PLA2G6: variants seen among roughly 807,000 people sequenced by gnomAD.
PLA2G6 encodes the protein 85/88 kDa calcium-independent phospholipase A2.
PLA2G6 carries 62 observed loss-of-function variants against 83.8 expected under a neutral mutation model. The ratio of observed to expected loss-of-function variants is 0.74; its 90% confidence interval spans 0.60 to 0.91. The LOEUF is 0.91. Among genes scored for constraint, PLA2G6 ranks in the 40% least tolerant of loss-of-function variants. The pLI is 0.00. For synonymous variants in PLA2G6, 417 were observed against 449.8 expected, an observed-to-expected ratio of 0.93 and a Z score of 0.92; for missense variants, 944 against 1,102.0, an observed-to-expected ratio of 0.86 and a Z score of 2.03.
At chr22:38,126,563 C>A (rs2145738855) in intron 9 of PLA2G6, 114 bp from the exon 10 acceptor site, 1 of 733,620 alleles carries the variant, frequency 1.4e-6, no homozygotes. Flanking sequence ...CGCCCTCATC[C>A]CCCCACTCCC....
intron 2 of PLA2G6, among the ~76,000 whole-genome samples, chr22:38,166,120 G>A (rs132974): frequency 1.3e-5 from 2 of 152,076 alleles, no homozygotes; most frequent in African/African-American, 4.8e-5. Context: ...CGACTGGCAC[G>A]TGGCTGTCTG....
chr22:38,168,974 C>T (rs1183780949), intron 2 of PLA2G6, among the ~76,000 whole-genome samples: 2 of 152,182 alleles, frequency 1.3e-5, no homozygotes, highest in African/African-American at 4.8e-5. Flanking sequence ...TAGGTCGAGC[C>T]TCCAGGCCAG....
At chr22:38,150,240 T>C (rs2089498317) in intron 2 of PLA2G6, 1 of 152,186 alleles carries the variant, frequency 6.6e-6, no homozygotes, top group Non-Finnish European at 1.5e-5. Context: ...CAACAGAATA[T>C]GGCAAAAGTG....
At chr22:38,125,373 G>A (rs1011257263) in intron 10 of PLA2G6, among the ~76,000 whole-genome samples, 2 of 152,186 alleles carry the variant, frequency 1.3e-5, no homozygotes, top group Non-Finnish European at 2.9e-5. Flanking sequence ...GGGGGCACAG[G>A]GGAGGGAATG....
intron 2 of PLA2G6, among the ~76,000 whole-genome samples, chr22:38,159,042 TA>T (rs11570624): frequency 6.6e-6 from 1 of 151,594 alleles, no homozygotes; most frequent in Non-Finnish European, 1.5e-5. Flanking sequence ...CTACTAAAAA[TA>T]AAAAAATTAG....
At chr22:38,153,678 T>C (rs2089666671) in intron 2 of PLA2G6, among the ~76,000 whole-genome samples, 1 of 150,544 alleles carries the variant, frequency 6.6e-6, no homozygotes, top group Admixed American at 6.6e-5. Context: ...CCTCCACCAA[T>C]TGTCCTCCCT....
chr22:38,161,396 C>G (rs1326777556), intron 2 of PLA2G6, among the ~76,000 whole-genome samples: 2 of 152,092 alleles, frequency 1.3e-5, no homozygotes, highest in African/African-American at 4.8e-5. Flanking sequence ...GGGCACTAAT[C>G]CCATTCATGA....
At chr22:38,144,014 G>C (rs956643209) in intron 3 of PLA2G6, 1 of 168,290 alleles carries the variant, frequency 5.9e-6, no homozygotes, top group Non-Finnish European at 1.3e-5. Context: ...AAAGTGCTGG[G>C]ATTACAGGTG....
At chr22:38,114,149 G>A (rs1241932617) in intron 14 of PLA2G6, among the ~76,000 whole-genome samples, 1 of 151,952 alleles carries the variant, frequency 6.6e-6, no homozygotes, top group Non-Finnish European at 1.5e-5. Context: ...GGAAGTAGGG[G>A]CTAAGGCTTG....
intron 1 of PLA2G6, chr22:38,180,356 G>A (rs1199792560): frequency 1.3e-5 from 2 of 152,222 alleles, no homozygotes; most frequent in Non-Finnish European, 2.9e-5. Flanking sequence ...ACAGGCTCTG[G>A]TGTCAGATTC....
chr22:38,143,523 G>A, intron 3 of PLA2G6: 1 of 615,754 alleles, frequency 1.6e-6, no homozygotes, highest in Non-Finnish European at 3.0e-6. Flanking sequence ...TGGGCCCCAG[G>A]GCCACACCAG....
Position 38,128,294 on chromosome 22 carries a change from G to T in PLA2G6, c.1323C>A (p.Pro441=), listed in dbSNP as rs1433278787. Residue 441 remains proline (P), a synonymous_variant, in exon 9 of 17, where the codon CCC becomes CCA. Coordinates refer to ENST00000332509, the MANE Select transcript of PLA2G6 (RefSeq NM_003560.4). The surrounding 1 kb of genome is among the most constrained non-coding windows in gnomAD (Gnocchi z 4.4). ...HHPFSLERAQ[P]PPISLNNLEL... ...CTAGGTTGTTTAGGCTGATCGGTGG[G>T]GGCTGAGCTCTTTCCAGGGAGAAGG... The T allele has an allele frequency of 1.9e-6, 3 of 1,612,646 alleles. No homozygotes were observed. In the African/African-American group the frequency reaches 4.0e-5, roughly 22 times the overall value.
At chr22:38,133,179 A>C in intron 6 of PLA2G6, 166 bp from the exon 7 acceptor site, 3 of 662,370 alleles carry the variant, frequency 4.5e-6, no homozygotes, top group South Asian at 1.8e-5. Flanking sequence ...AGGGGGGCCT[A>C]GACTGCCTCC....
chr22:38,113,904 C>T (rs1469767341), intron 14 of PLA2G6: 9 of 610,890 alleles, frequency 1.5e-5, no homozygotes, highest in South Asian at 1.4e-4. Flanking sequence ...ACCACACATA[C>T]ACCAGCTGCA....
intron 1 of PLA2G6, among the ~76,000 whole-genome samples, chr22:38,178,378 C>T (rs2090718132): frequency 6.6e-6 from 1 of 152,118 alleles, no homozygotes; most frequent in South Asian, 2.1e-4. Flanking sequence ...TGAGACCAGC[C>T]TGGGTAATAT....
intron 5 of PLA2G6, chr22:38,139,415 T>A (rs1053808932): frequency 6.8e-6 from 1 of 147,342 alleles, no homozygotes; most frequent in African/African-American, 2.5e-5. Flanking sequence ...ATAAATTTAT[T>A]TTTATTTATT....
chr22:38,115,890 T>C (rs2087161539), intron 13 of PLA2G6, 185 bp downstream of exon 13: 1 of 1,475,792 alleles, frequency 6.8e-7, no homozygotes, highest in African/African-American at 1.4e-5. Flanking sequence ...TCCAGGGACT[T>C]TTCTAACCTG....
chr22:38,171,911 C>G (rs1167608603), intron 1 of PLA2G6, among the ~76,000 whole-genome samples: 1 of 152,108 alleles, frequency 6.6e-6, no homozygotes, highest in Non-Finnish European at 1.5e-5. Flanking sequence ...ATCTGCCTGC[C>G]TCAGCCTCTC....
intron 2 of PLA2G6, among the ~76,000 whole-genome samples, chr22:38,153,464 T>C (rs2089655437): frequency 6.6e-6 from 1 of 151,938 alleles, no homozygotes; most frequent in South Asian, 2.1e-4. Flanking sequence ...ACATTAAAGT[T>C]TACTTTTTAA....
Sources: allele counts gnomAD v4.1 joint callset (sites outside exome capture counted in the v4.1 genomes callset), GRCh38; gene constraint gnomAD v4.1.1; non-coding constraint Gnocchi (gnomAD v3.1); transcripts MANE v1.5; gene names NCBI Gene and HGNC (gene_info 2026-07-23, HGNC 2026-07-21).